PRR16: variants seen among roughly 807,000 people sequenced by gnomAD.
PRR16 encodes the protein proline rich 16.
PRR16 carries 6 observed loss-of-function variants against 18.2 expected under a neutral mutation model. The ratio of observed to expected loss-of-function variants is 0.33; its 90% CI spans 0.18 to 0.65. PRR16 has a LOEUF of 0.65. Ranked by LOEUF, PRR16 falls within the 30% of genes least tolerant of loss-of-function variation. PRR16 has a pLI of 0.74. For synonymous variants in PRR16, 151 were observed against 147.8 expected, an observed-to-expected ratio of 1.02 and a Z score of -0.16; for missense variants, 412 against 376.6, an observed-to-expected ratio of 1.09 and a Z score of -0.78.
At chr5:120,614,441 A>G (rs961756992) in intron 1 of PRR16, among the ~76,000 whole-genome samples, 4 of 152,174 alleles carry the variant, frequency 2.6e-5, no homozygotes, top group Non-Finnish European at 4.4e-5. Flanking sequence ...ATTTTCTGTT[A>G]TTTTCCAATG....
At chr5:120,770,392 C>G in the PRR16 span, among the ~76,000 whole-genome samples, 1 of 151,880 alleles carries the variant, frequency 6.6e-6, no homozygotes, top group Non-Finnish European at 1.5e-5. Flanking sequence ...GCAACTGGAC[C>G]CTTGCCTTAC....
chr5:120,521,996 T>G (rs145743620), intron 1 of PRR16, among the ~76,000 whole-genome samples: 1 of 152,228 alleles, frequency 6.6e-6, no homozygotes, highest in Admixed American at 6.5e-5. Flanking sequence ...ACAAAGGACA[T>G]GCACTCATCC....
chr5:120,792,080 A>AACTT, the PRR16 span, among the ~76,000 whole-genome samples: 4 of 152,186 alleles, frequency 2.6e-5, no homozygotes, highest in African/African-American at 9.7e-5. Context: ...AAATTATTTG[A>AACTT]ACTTATAAAT....
At chr5:120,467,251 T>A (rs1364523858) in intron 1 of PRR16, among the ~76,000 whole-genome samples, 1 of 152,196 alleles carries the variant, frequency 6.6e-6, no homozygotes, top group Non-Finnish European at 1.5e-5. Flanking sequence ...TATTTAGAAT[T>A]CTAATTCCTT....
chr5:120,776,881 G>T, the PRR16 span, among the ~76,000 whole-genome samples: 1 of 151,990 alleles, frequency 6.6e-6, no homozygotes, highest in South Asian at 2.1e-4. Context: ...GTTGATTAAA[G>T]GTTTATGCAG....
intron 1 of PRR16, among the ~76,000 whole-genome samples, chr5:120,480,641 A>T (rs1749580866): frequency 6.6e-6 from 1 of 152,212 alleles, no homozygotes; most frequent in African/African-American, 2.4e-5. Context: ...TTGGCTTCTG[A>T]TAATGTGTCT....
chr5:120,512,742 T>G (rs901559158), intron 1 of PRR16, among the ~76,000 whole-genome samples: 1 of 152,102 alleles, frequency 6.6e-6, no homozygotes, highest in African/African-American at 2.4e-5. Flanking sequence ...AGGTTCAGGT[T>G]TTTGTCTTCA....
chr5:120,641,985 CA>C (rs1345770813), intron 1 of PRR16, among the ~76,000 whole-genome samples: 3 of 152,060 alleles, frequency 2.0e-5, no homozygotes, highest in Non-Finnish European at 4.4e-5. Context: ...TCCGTTTACT[CA>C]AGCCAGAAAT....
chr5:120,747,407 C>T, the PRR16 span, among the ~76,000 whole-genome samples: 1 of 152,136 alleles, frequency 6.6e-6, no homozygotes, highest in Non-Finnish European at 1.5e-5. Flanking sequence ...ACCAAACTTC[C>T]GTAAATGTGT....
At position 120,668,057 on chromosome 5, in the gene PRR16, T is replaced by TA. The variant is rs547919161; in HGVS notation, c.160-17894dup. Reference sequence around the variant, plus strand: ...CTGTCTAATGTTGACAGTGGGATGTTAAAGTCTCCCACTATTATTGTGTGG... The same window carrying TA: ...CTGTCTAATGTTGACAGTGGGATGTTAAAAGTCTCCCACTATTATTGTGTGG... On this transcript the variant is annotated intron_variant, in intron 1 of 1. Coordinates refer to ENST00000407149, the MANE Select transcript of PRR16 (RefSeq NM_001300783.2). Among the ~76,000 whole-genome samples the TA allele has an allele frequency of 2.1e-3, 317 of 152,276 alleles. 2 individuals are homozygous for TA. Among genetic ancestry groups the TA allele is most frequent in the Middle Eastern group, 6.8e-3 (2 of 294 alleles).
At chr5:120,659,078 C>T (rs1007259219) in intron 1 of PRR16, among the ~76,000 whole-genome samples, 1 of 151,788 alleles carries the variant, frequency 6.6e-6, no homozygotes, top group Non-Finnish European at 1.5e-5. Context: ...GATTCCAAGT[C>T]TTTCATGAAC....
At chr5:120,663,749 A>T (rs562942915) in intron 1 of PRR16, among the ~76,000 whole-genome samples, 1 of 152,218 alleles carries the variant, frequency 6.6e-6, no homozygotes, top group African/African-American at 2.4e-5. Flanking sequence ...GATTATTATT[A>T]CTTTGTTCCT....
intron 1 of PRR16, among the ~76,000 whole-genome samples, chr5:120,519,484 T>C (rs983994659): frequency 6.6e-6 from 1 of 152,162 alleles, no homozygotes; most frequent in African/African-American, 2.4e-5. Context: ...CAATTTTATA[T>C]ATAAGTAATT....
At chr5:120,479,723 G>GT (rs11333124) in intron 1 of PRR16, among the ~76,000 whole-genome samples, 6 of 151,496 alleles carry the variant, frequency 4.0e-5, no homozygotes, top group South Asian at 2.1e-4. Context: ...GCCGTTTACT[G>GT]TTTTTTTTAA....
intron 1 of PRR16, among the ~76,000 whole-genome samples, chr5:120,662,286 G>A (rs893750535): frequency 1.3e-5 from 2 of 152,090 alleles, no homozygotes; most frequent in Admixed American, 1.3e-4. Context: ...CTTTGGAAAT[G>A]TTAGGAACAG....
At chr5:120,760,361 C>A in the PRR16 span, among the ~76,000 whole-genome samples, 1 of 151,856 alleles carries the variant, frequency 6.6e-6, no homozygotes. Flanking sequence ...TATACCCATA[C>A]CCTCTTAAGC....
chr5:120,497,044 A>G (rs1218007362), intron 1 of PRR16, among the ~76,000 whole-genome samples: 1 of 152,086 alleles, frequency 6.6e-6, no homozygotes, highest in Non-Finnish European at 1.5e-5. Context: ...TTCTAATTTG[A>G]TTCTATTGAA....
At chr5:120,598,078 C>T (rs774805222) in intron 1 of PRR16, among the ~76,000 whole-genome samples, 4 of 151,800 alleles carry the variant, frequency 2.6e-5, no homozygotes, top group Non-Finnish European at 5.9e-5. Context: ...TGAAGATCTA[C>T]CTCATCATTA....
chr5:120,647,535 T>C (rs1561592225), intron 1 of PRR16, among the ~76,000 whole-genome samples: 1 of 152,090 alleles, frequency 6.6e-6, no homozygotes. Flanking sequence ...TCACTCTGTA[T>C]AGACTGTATT....
Sources: gnomAD v4.1 joint callset for allele counts (sites outside exome capture counted in the v4.1 genomes callset) on GRCh38, gnomAD v4.1.1 for gene constraint, MANE v1.5 for transcripts, NCBI Gene and HGNC (gene_info 2026-07-23, HGNC 2026-07-21) for gene names.